The following PDGFRA variants were observed in gnomAD, a reference collection of about 807,000 sequenced individuals.
PDGFRA encodes platelet derived growth factor receptor alpha.
Under a neutral mutation model 121.5 loss-of-function variants are expected in PDGFRA, and 25 were observed. The observed-to-expected ratio is 0.21, with a 90% confidence interval of 0.15 to 0.29. The LOEUF is 0.29. PDGFRA is among the 10% of genes least tolerant of loss of function. PDGFRA has a pLI of 1.00. For synonymous variants in PDGFRA, 463 were observed against 494.8 expected (o/e 0.94, Z 0.85); for missense variants, 1,008 against 1,345.1 (o/e 0.75, Z 3.92).
intron 1 of PDGFRA, among the ~76,000 whole-genome samples, chr4:54,233,189 A>G (rs1441472528): frequency 6.6e-6 from 1 of 152,204 alleles, no homozygotes; most frequent in African/African-American, 2.4e-5. Flanking sequence ...GCAGGGGCGC[A>G]GGGGCGCAGG....
intron 16 of PDGFRA, among the ~76,000 whole-genome samples, chr4:54,284,530 C>T (rs944106262): frequency 2.0e-5 from 3 of 149,388 alleles, no homozygotes; most frequent in Non-Finnish European, 3.0e-5. Flanking sequence ...GCAGGCATAT[C>T]ACATGGCCAG....
At chr4:54,288,361 A>G (rs1051476572) in intron 19 of PDGFRA, among the ~76,000 whole-genome samples, 7 of 152,054 alleles carry the variant, frequency 4.6e-5, no homozygotes, top group African/African-American at 1.7e-4. Context: ...ATCATCCCCC[A>G]GTGGCTTAAT....
At chr4:54,284,789 A>G (rs1247880180) in intron 16 of PDGFRA, among the ~76,000 whole-genome samples, 1 of 101,398 alleles carries the variant, frequency 9.9e-6, no homozygotes, top group Non-Finnish European at 2.0e-5. Context: ...ACATATCCAA[A>G]CTATATCATT....
At chr4:54,283,271 C>T (rs1724162195) in intron 16 of PDGFRA, among the ~76,000 whole-genome samples, 1 of 152,172 alleles carries the variant, frequency 6.6e-6, no homozygotes, top group African/African-American at 2.4e-5. Context: ...TGTCTGGACA[C>T]CCTGGTTTTT....
chr4:54,267,601 C>T lies in PDGFRA; in HGVS notation c.981C>T (p.Val327=). The part of the protein sequence containing the change: ...IKPTFSQLEA[V]NLHEVKHFVV... ...CCACCTTCAGCCAGTTGGAAGCTGT[C>T]AACCTGCATGAAGTCAAACATTTTG... is the stretch of plus-strand genomic sequence containing the variant. Residue 327 remains valine, a synonymous_variant, in exon 7 of 23, where the codon GTC becomes GTT. Coordinates refer to ENST00000257290, the MANE Select transcript of PDGFRA (RefSeq NM_006206.6). The T allele has an allele frequency of 6.2e-7, 1 of 1,614,188 alleles. No individual in the cohort carries two copies. Among genetic ancestry groups the T allele is most frequent in the South Asian group, 1.1e-5 (1 of 91,082 alleles).
Position 54,277,748 on chromosome 4 carries a change from A to T in PDGFRA, c.1892-148A>T, listed in dbSNP as rs1219376732. On this transcript the variant is annotated intron_variant, in intron 13 of 22. Coordinates refer to ENST00000257290, the MANE Select transcript of PDGFRA (RefSeq NM_006206.6). ...GAAAGACCAGGAATTAGTTATTAGC[A>T]CTGAGGCCAAGTAGCTATCTGCTTC... 7 of 710,924 alleles carry T rather than the reference A, an allele frequency of 9.8e-6. No individual in the cohort carries two copies. The Middle Eastern group carries it at 9.8e-4, about 100-fold the overall frequency. 44.0% of individuals were successfully genotyped at this position (710,924 alleles called of 1,614,324 possible).
chr4:54,287,037 C>T (rs918019207), intron 18 of PDGFRA, among the ~76,000 whole-genome samples: 2 of 152,120 alleles, frequency 1.3e-5, no homozygotes, highest in African/African-American at 4.8e-5. Flanking sequence ...GATTCATGTA[C>T]TCATGTGGCC....
chr4:54,294,309 T>C (rs763091836), intron 22 of PDGFRA, among the ~76,000 whole-genome samples: 1 of 151,982 alleles, frequency 6.6e-6, no homozygotes, highest in African/African-American at 2.4e-5. Flanking sequence ...ATTTGGTTAC[T>C]TTGTGTTTGT....
intron 15 of PDGFRA, 67 bp from the exon 16 acceptor site, chr4:54,280,249 C>T (rs2110322577): frequency 7.1e-7 from 1 of 1,412,226 alleles, no homozygotes; most frequent in Non-Finnish European, 1.0e-6. Context: ...TAATCATCAT[C>T]TACTGAAAGT....
rs1317114941 is a variant in PDGFRA, at chr4:54,288,856, G to A, written c.2732G>A (p.Ser911Asn). ...TCTACTTTCTACAATAAGATCAAGA[G>A]TGGGTACCGGATGGCCAAGCCTGAC... is the stretch of plus-strand genomic sequence containing the variant. Reference protein sequence around the residue: ...VDSTFYNKIKSGYRMAKPDHA... With the variant: ...VDSTFYNKIKNGYRMAKPDHA... Residue 911 changes from serine to asparagine, a missense_variant, in exon 20 of 23, where the codon AGT (serine) becomes AAT (asparagine). Physicochemically the swap from Ser to Asn is conservative, Grantham distance 46 (BLOSUM62 1). Around this residue, in one of 5 missense-constraint regions of PDGFRA, gnomAD observed 204 missense variants for 243.0 expected, o/e 0.84. Transcript: ENST00000257290. The A allele has an allele frequency of 1.2e-6, 2 of 1,613,626 alleles. No homozygotes were observed. The highest frequency in any genetic ancestry group is 4.5e-5 in the East Asian group (2 of 44,880).
intron 12 of PDGFRA, 95 bp downstream of exon 12, chr4:54,275,068 G>GCCTAGTT: frequency 7.2e-7 from 1 of 1,379,918 alleles, no homozygotes; most frequent in Non-Finnish European, 1.0e-6. Flanking sequence ...CTGAGCTTGT[G>GCCTAGTT]CTTAGTAAGA....
At chr4:54,294,970 G>A (rs1577755280) in intron 22 of PDGFRA, among the ~76,000 whole-genome samples, 155 bp from the exon 23 acceptor site, 1 of 152,342 alleles carries the variant, frequency 6.6e-6, no homozygotes, top group East Asian at 1.9e-4. Flanking sequence ...TTTCCACGTG[G>A]CCTACCACAG....
At chr4:54,293,907 TTG>T (rs71200381) in intron 22 of PDGFRA, among the ~76,000 whole-genome samples, 2,504 of 142,534 alleles carry the variant, frequency 0.018, 35 homozygotes, top group East Asian at 0.045. Context: ...TCCAAGTTGC[TTG>T]TGTGTGTGTG....
intron 7 of PDGFRA, 21 bp downstream of exon 7, chr4:54,267,762 A>C (rs779518271): frequency 3.7e-6 from 6 of 1,606,616 alleles, no homozygotes; most frequent in East Asian, 4.5e-5. Context: ...TCTCTGCCCA[A>C]GTATGCCTTT....
intron 16 of PDGFRA, chr4:54,281,762 T>G: frequency 7.5e-7 from 1 of 1,340,850 alleles, no homozygotes; most frequent in Middle Eastern, 2.1e-4. Flanking sequence ...ACTTCTGGAT[T>G]AAATTGCCTT....
chr4:54,265,303 A>G, intron 5 of PDGFRA: 1 of 440,624 alleles, frequency 2.3e-6, no homozygotes, highest in East Asian at 4.4e-5. Flanking sequence ...CTTTTTCAGA[A>G]GTCAGACAGA....
At chr4:54,267,890 A>G in intron 7 of PDGFRA, 149 bp downstream of exon 7, 2 of 712,336 alleles carry the variant, frequency 2.8e-6, no homozygotes, top group Non-Finnish European at 5.1e-6. Flanking sequence ...CATCCCTTTA[A>G]TGATAACATT....
At chr4:54,268,172 C>G (rs28528897) in intron 7 of PDGFRA, among the ~76,000 whole-genome samples, 27,137 of 152,168 alleles carry the variant, frequency 0.18, 2,916 homozygotes, top group Admixed American at 0.28. Context: ...ATCTGGAACC[C>G]ATTTGCCCTA....
chr4:54,253,811 A>T (rs1416004274), intron 1 of PDGFRA, among the ~76,000 whole-genome samples: 1 of 151,988 alleles, frequency 6.6e-6, no homozygotes, highest in Non-Finnish European at 1.5e-5. Flanking sequence ...CAGCCTTTCC[A>T]GTAGCTGGAA....
Sources: gnomAD v4.1 joint callset for allele counts (sites outside exome capture counted in the v4.1 genomes callset) on GRCh38, gnomAD v4.1.1 for gene constraint, gnomAD v4.1.1 regional missense constraint, MANE v1.5 for transcripts, NCBI Gene and HGNC (gene_info 2026-07-23, HGNC 2026-07-21) for gene names.